SLC23A3: variants seen among roughly 807,000 people sequenced by gnomAD.
SLC23A3 encodes E2-binding protein 3.
Under a neutral mutation model 64.7 loss-of-function variants are expected in SLC23A3, and 41 were observed. That is an observed-to-expected ratio of 0.63 (90% confidence interval 0.49 to 0.82). SLC23A3 has a LOEUF of 0.82. Ranked by LOEUF, SLC23A3 falls within the 40% of genes least tolerant of loss-of-function variation. SLC23A3 has a pLI of 0.00. For missense variants in SLC23A3, 647 were observed against 733.4 expected (o/e 0.88, Z 1.36); for synonymous variants, 281 against 306.8 (o/e 0.92, Z 0.88).
rs1269807047 is a variant in SLC23A3 at position 219,170,008 on chromosome 2, T to A, written c.-24A>T. The stretch of plus-strand genomic sequence containing the variant: ...ATGCTGCCTTGCCTTTCGCTTTGTC[T>A]TGGCTGCCCGGGACCAGAGTTAAGT... On this transcript the variant is annotated 5_prime_UTR_variant, in exon 1 of 12. The change creates a new upstream start codon in the 5' untranslated region. Coordinates refer to ENST00000409878, the MANE Select transcript of SLC23A3 (RefSeq NM_001144889.2). 1 of 1,612,014 alleles carries A rather than the reference T, an allele frequency of 6.2e-7. No homozygotes were observed. Among genetic ancestry groups the A allele is most frequent in the East Asian group, 2.2e-5 (1 of 44,850 alleles).
In SLC23A3 at chr2:219,162,154, C is replaced by G; in HGVS notation, c.1588G>C (p.Ala530Pro). 6.2e-7 allele frequency: 1 copy of G among 1,613,314 alleles called. No individual in the cohort carries two copies. The highest frequency in any genetic ancestry group is 8.5e-7 in the Non-Finnish European group (1 of 1,179,506). The change falls in exon 12 of 12, where the codon GCC becomes CCC. Residue 530 changes from alanine (A) to proline (P), a missense_variant. By Grantham distance (27) the Ala-to-Pro change is conservative (BLOSUM62 -1). Coordinates refer to ENST00000409878, the MANE Select transcript of SLC23A3 (RefSeq NM_001144889.2). The part of the protein sequence containing the change: ...LGQGLPSPFT[A>P]QEARMPQKPR... The stretch of plus-strand genomic sequence containing the variant: ...TTCTGAGGCATTCGAGCCTCTTGGG[C>G]AGTGAAAGGAGATGGTAGCCCTTGA...
In SLC23A3 at chr2:219,163,441, A is replaced by G. The variant is rs777361872; in HGVS notation, c.1388T>C (p.Met463Thr). The G allele has an allele frequency of 1.2e-6, 2 of 1,614,210 alleles. No individual in the cohort carries two copies. The highest frequency in any genetic ancestry group is 1.7e-6 in the Non-Finnish European group (2 of 1,180,040). Residue 463 changes from methionine (M) to threonine (T), a missense_variant, in exon 10 of 12, where the codon ATG becomes ACG. Met to Thr is a moderately conservative substitution (Grantham distance 81, BLOSUM62 -1). Transcript: ENST00000409878. ...NIFIVGFSIFMALLLPRWFRE... is the reference protein window; with the variant it reads ...NIFIVGFSIFTALLLPRWFRE... ...AAACCATCTTGGCAGCAGCAAGGCC[A>G]TGAAGATGGAGAAGCCCACAATGAA...
At chr2:219,162,425 A>G (rs747664054) in intron 10 of SLC23A3, 31 bp from the exon 11 acceptor site, 1 of 1,548,766 alleles carries the variant, frequency 6.5e-7, no homozygotes, top group South Asian at 1.1e-5. Flanking sequence ...GCAGGAAGGG[A>G]ACTCTGATCC....
chr2:219,161,802 TAC>T lies in SLC23A3; in HGVS notation c.*105_*106del, dbSNP rs1408065112. On this transcript the variant is annotated 3_prime_UTR_variant, in exon 12 of 12. Transcript: ENST00000409878. Reference sequence around the variant, plus strand: ...GGAACCTCTAGACAGTCCCATGTAATACACACACACATATCCTCTGCCTACAA... The same window carrying T: ...GGAACCTCTAGACAGTCCCATGTAATACACACACATATCCTCTGCCTACAA... 7.9e-5 allele frequency: 100 copies of T among 1,270,844 alleles called. No individual in the cohort carries two copies. Among genetic ancestry groups the T allele is most frequent in the South Asian group, 2.4e-4 (15 of 63,322 alleles). 78.7% of individuals were successfully genotyped at this position (1,270,844 alleles called of 1,614,324 possible).
rs770451475 is a variant in SLC23A3, at chr2:219,169,777, A to T, written c.162+46T>A. The T allele has an allele frequency of 1.2e-6, 2 of 1,612,598 alleles. No individual in the cohort carries two copies. The highest frequency in any genetic ancestry group is 3.3e-4 in the Middle Eastern group (2 of 6,048). Reference sequence around the variant, plus strand: ...ATGCCACATCTACACCTACTTCCCCACACACACCATCAGGCAGCACCAACT... The same window carrying T: ...ATGCCACATCTACACCTACTTCCCCTCACACACCATCAGGCAGCACCAACT... On this transcript the variant is annotated intron_variant, in intron 1 of 11. Transcript: ENST00000409878. The surrounding 1 kb of genome is among the most constrained non-coding windows in gnomAD (Gnocchi z 4.5).
At chr2:219,168,983 C>CA (rs1950033579) in intron 4 of SLC23A3, 46 bp downstream of exon 4, 1 of 1,591,470 alleles carries the variant, frequency 6.3e-7, no homozygotes, top group Admixed American at 1.7e-5. Context: ...AGAGCCCCCC[C>CA]CAAGCCTGGC....
In SLC23A3 at chr2:219,167,582, T is replaced by G. The variant is rs569333623; in HGVS notation, c.913+348A>C. 6.1e-5 allele frequency among the ~76,000 whole-genome samples: 7 copies of G among 115,196 alleles called. No homozygotes were observed. In the East Asian group the frequency reaches 1.7e-3, roughly 28 times the overall value. The allele number at this position is 115,196 out of a possible 152,430, so 75.6% of individuals were successfully genotyped here. ...GCCTGGGCAACATGGTGAAACCCTG[T>G]CTCTACAAAAAAAAAAAAAAAAAAA... On this transcript the variant is annotated intron_variant, in intron 7 of 11. Coordinates refer to ENST00000409878, the MANE Select transcript of SLC23A3 (RefSeq NM_001144889.2).
At chr2:219,164,024 A>T (rs1949977752) in intron 9 of SLC23A3, among the ~76,000 whole-genome samples, 1 of 152,194 alleles carries the variant, frequency 6.6e-6, no homozygotes, top group Admixed American at 6.5e-5. Context: ...CTGATTCTTC[A>T]GGAAGCCCAG....
rs957341974 is a variant in SLC23A3, at chr2:219,169,690, G to T, written c.163-12C>A. On this transcript the variant is annotated splice_polypyrimidine_tract_variant and intron_variant, in intron 1 of 11. Transcript: ENST00000409878. This position sits in a 1 kb window ranked among gnomAD's most constrained non-coding sequence, Gnocchi z 4.5. ...ATGACCAAGACATGCTGCAGGTGGAGGAATGGGGAGGGCAGTCTTCAGAGA... is the reference window on the plus strand; with the variant it reads ...ATGACCAAGACATGCTGCAGGTGGATGAATGGGGAGGGCAGTCTTCAGAGA... 13 of 1,613,806 alleles carry T rather than the reference G, an allele frequency of 8.1e-6. No individual in the cohort carries two copies. The Admixed American group carries it at 2.2e-4, about 27-fold the overall frequency.
Position 219,162,039 on chromosome 2 carries a change from C to T in SLC23A3, c.1703G>A (p.Cys568Tyr), listed in dbSNP as rs774941843. The change falls in exon 12 of 12, where the codon TGC (cysteine) becomes TAC (tyrosine). Residue 568 changes from cysteine to tyrosine, a missense_variant. Physicochemically the swap from Cys to Tyr is radical, Grantham distance 194. Coordinates refer to ENST00000409878, the MANE Select transcript of SLC23A3 (RefSeq NM_001144889.2). ...PCIPQPLHCL[C>Y]PLPEDPGDEE... ...ATCCCCAGGGTCTTCAGGCAGTGGG[C>T]AGAGGCAGTGGAGAGGCTGGGGGAT... 6.2e-7 allele frequency: 1 copy of T among 1,614,158 alleles called. No individual in the cohort carries two copies. Among genetic ancestry groups the T allele is most frequent in the South Asian group, 1.1e-5 (1 of 91,084 alleles).
At chr2:219,163,364 C>CAA in intron 10 of SLC23A3, 24 bp downstream of exon 10, 1 of 1,608,268 alleles carries the variant, frequency 6.2e-7, no homozygotes, top group Non-Finnish European at 8.5e-7. Context: ...TGCTACTGAG[C>CAA]AACGCCTCTT....
chr2:219,165,534 T>C (rs769494189), intron 7 of SLC23A3, 112 bp from the exon 8 acceptor site: 6 of 1,291,864 alleles, frequency 4.6e-6, no homozygotes, highest in Non-Finnish European at 6.3e-6. Context: ...TTGAAGACAA[T>C]GTCTTGGGAC....
Position 219,162,296 on chromosome 2 carries a change from T to C in SLC23A3, c.1537+3A>G. The C allele has an allele frequency of 6.2e-7, 1 of 1,614,096 alleles. No individual in the cohort carries two copies. The highest frequency in any genetic ancestry group is 8.5e-7 in the Non-Finnish European group (1 of 1,179,980). On this transcript the variant is annotated splice_donor_region_variant and intron_variant, in intron 11 of 11. Coordinates refer to ENST00000409878, the MANE Select transcript of SLC23A3 (RefSeq NM_001144889.2). ...AGTCTGCTAGGGCCTAGCCTCAACT[T>C]ACCAGGAATCGTGTTCTCTAGTAGG...
chr2:219,166,563 CT>C (rs1473264573), intron 7 of SLC23A3, among the ~76,000 whole-genome samples: 5 of 151,418 alleles, frequency 3.3e-5, no homozygotes, highest in Non-Finnish European at 7.4e-5. Context: ...TAAACAAGGT[CT>C]CACTCTGTCG....
At position 219,165,150 on chromosome 2, in the gene SLC23A3, C is replaced by G; in HGVS notation, c.1167+19G>C. 6.4e-7 allele frequency: 1 copy of G among 1,551,004 alleles called. No homozygotes were observed. Among genetic ancestry groups the G allele is most frequent in the Non-Finnish European group, 8.7e-7 (1 of 1,146,828 alleles). On this transcript the variant is annotated intron_variant, in intron 8 of 11. Transcript: ENST00000409878. ...CCTCTAGCTCCATCCTACCCCACTC[C>G]CATCCCAGGTCCACGTACCTGGATA...
At position 219,169,489 on chromosome 2, in the gene SLC23A3, T is replaced by G; in HGVS notation, c.320+32A>C. 6.2e-7 allele frequency: 1 copy of G among 1,613,788 alleles called. No homozygotes were observed. The highest frequency in any genetic ancestry group is 8.5e-7 in the Non-Finnish European group (1 of 1,179,802). ...CCAAACCTCTCCTACCCTCCAGGAC[T>G]CTGCCCCTCTCTCCAGGGAGGTTCC... On this transcript the variant is annotated intron_variant, in intron 2 of 11. Transcript: ENST00000409878. The surrounding 1 kb of genome is among the most constrained non-coding windows in gnomAD (Gnocchi z 4.5).
In SLC23A3 at chr2:219,169,146, T is replaced by A. The variant is rs367952469; in HGVS notation, c.419-44A>T. 4.2e-4 allele frequency: 681 copies of A among 1,606,034 alleles called. 8 individuals carry two copies. Among genetic ancestry groups the A allele is most frequent in the Non-Finnish European group, 7.0e-5 (82 of 1,172,908 alleles). ...ATGGAGAAGAGAAGGGTGAATGGAATGGAGACCCATTGCTCTACAGTCCCA... is the reference window on the plus strand; with the variant it reads ...ATGGAGAAGAGAAGGGTGAATGGAAAGGAGACCCATTGCTCTACAGTCCCA... On this transcript the variant is annotated intron_variant, in intron 3 of 11. Coordinates refer to ENST00000409878, the MANE Select transcript of SLC23A3 (RefSeq NM_001144889.2). The surrounding 1 kb of genome is among the most constrained non-coding windows in gnomAD (Gnocchi z 4.5).
Position 219,161,683 on chromosome 2 carries a change from C to A in SLC23A3, c.*226G>T. 2.3e-6 allele frequency: 1 copy of A among 431,342 alleles called. No homozygotes were observed. The highest frequency in any genetic ancestry group is 4.1e-6 in the Non-Finnish European group (1 of 244,216). The allele number at this position is 431,342 out of a possible 1,614,324, so 26.7% of individuals were successfully genotyped here. A position where few individuals can be genotyped will look rare whatever the true frequency, so the allele number is the denominator to read the frequency against. ...GGCATTGATAGTACACAGGCAAAAT[C>A]TCAATCATTCATGGTCCACTAAATC... On this transcript the variant is annotated 3_prime_UTR_variant, in exon 12 of 12. Transcript: ENST00000409878.
intron 7 of SLC23A3, among the ~76,000 whole-genome samples, 192 bp downstream of exon 7, chr2:219,167,738 T>TCAAA (rs967593414): frequency 3.3e-5 from 5 of 152,022 alleles, no homozygotes; most frequent in Non-Finnish European, 5.9e-5. Flanking sequence ...AGACCCTGTC[T>TCAAA]CAAACAAACA....
Sources: allele counts gnomAD v4.1 joint callset (sites outside exome capture counted in the v4.1 genomes callset), GRCh38; gene constraint gnomAD v4.1.1; non-coding constraint Gnocchi (gnomAD v3.1); transcripts MANE v1.5; gene names NCBI Gene and HGNC (gene_info 2026-07-23, HGNC 2026-07-21).